NMNAT2: variants seen among roughly 807,000 people sequenced by gnomAD.
The protein encoded by NMNAT2 is nicotinamide nucleotide adenylyltransferase 2.
NMNAT2 carries 11 observed loss-of-function variants against 41.6 expected under a neutral mutation model. The observed-to-expected ratio is 0.26, with a 90% CI of 0.17 to 0.44. The LOEUF (loss-of-function observed/expected upper bound fraction) is 0.44. Ranked by LOEUF, NMNAT2 falls within the 20% of genes least tolerant of loss-of-function variation. NMNAT2 has a pLI of 1.00. For synonymous variants in NMNAT2, 148 were observed against 151.2 expected, an observed-to-expected ratio of 0.98 and a Z score of 0.16; for missense variants, 288 against 407.7, an observed-to-expected ratio of 0.71 and a Z score of 2.53.
intron 2 of NMNAT2, among the ~76,000 whole-genome samples, 183 bp downstream of exon 2, chr1:183,293,522 C>T (rs1661600289): frequency 6.6e-6 from 1 of 152,262 alleles, no homozygotes; most frequent in Admixed American, 6.5e-5. Context: ...CTTCAACGCC[C>T]ATCCACTCAG....
chr1:183,297,451 C>T (rs1661732235), intron 1 of NMNAT2, among the ~76,000 whole-genome samples: 1 of 150,898 alleles, frequency 6.6e-6, no homozygotes, highest in Non-Finnish European at 1.5e-5. Context: ...GGCGTGATCT[C>T]GGCTCAGCGC....
At chr1:183,399,060 T>A (rs968013885) in intron 1 of NMNAT2, among the ~76,000 whole-genome samples, 18 of 151,706 alleles carry the variant, frequency 1.2e-4, no homozygotes, top group African/African-American at 4.1e-4. Flanking sequence ...ATAACTAAGA[T>A]CAGAGCAGAA....
At chr1:183,313,733 G>T (rs1662180056) in intron 1 of NMNAT2, among the ~76,000 whole-genome samples, 1 of 152,234 alleles carries the variant, frequency 6.6e-6, no homozygotes, top group Non-Finnish European at 1.5e-5. Flanking sequence ...TGATCTGCCT[G>T]CCTTGGCCTC....
chr1:183,389,793 A>G (rs868583655), intron 1 of NMNAT2, among the ~76,000 whole-genome samples: 5 of 77,678 alleles, frequency 6.4e-5, no homozygotes, highest in African/African-American at 1.7e-4. Flanking sequence ...AGAAAGAAAG[A>G]AAGAAAGAAA....
chr1:183,327,007 C>G (rs1240106549), intron 1 of NMNAT2, among the ~76,000 whole-genome samples: 2 of 150,848 alleles, frequency 1.3e-5, no homozygotes, highest in African/African-American at 4.9e-5. Context: ...CCTTTCTCAG[C>G]AGTATTCATA....
intron 8 of NMNAT2, among the ~76,000 whole-genome samples, chr1:183,270,608 T>G (rs528898440): frequency 9.9e-5 from 15 of 151,834 alleles, no homozygotes; most frequent in African/African-American, 3.4e-4. Context: ...ACTGCCAACT[T>G]AACTGGGGGT....
intron 1 of NMNAT2, among the ~76,000 whole-genome samples, chr1:183,330,024 A>T (rs1662549575): frequency 1.3e-5 from 2 of 152,200 alleles, no homozygotes; most frequent in African/African-American, 2.4e-5. Context: ...ACGGGGAGAC[A>T]AGGGGAGCCA....
At chr1:183,338,381 T>TG (rs34723195) in intron 1 of NMNAT2, among the ~76,000 whole-genome samples, 107,767 of 151,382 alleles carry the variant, frequency 0.71, 38,478 homozygotes, top group East Asian at 0.9. Flanking sequence ...GGTGTGGGGT[T>TG]GAGGAGAAAT....
At chr1:183,333,077 A>G (rs559195581) in intron 1 of NMNAT2, among the ~76,000 whole-genome samples, 2 of 152,274 alleles carry the variant, frequency 1.3e-5, no homozygotes, top group African/African-American at 4.8e-5. Flanking sequence ...GGAAAACCCC[A>G]TAGAGAAGGA....
intron 8 of NMNAT2, 94 bp from the exon 9 acceptor site, chr1:183,261,397 C>A: frequency 8.9e-7 from 1 of 1,117,452 alleles, no homozygotes; most frequent in Non-Finnish European, 1.3e-6. Flanking sequence ...TTCCATTCTT[C>A]CACATGGAGC....
intron 1 of NMNAT2, among the ~76,000 whole-genome samples, chr1:183,379,019 G>A (rs1250343968): frequency 6.7e-6 from 1 of 149,064 alleles, no homozygotes; most frequent in East Asian, 1.9e-4. Context: ...CTCCAGCCTG[G>A]GTGACAGAGT....
chr1:183,276,771 C>T (rs1349091634), intron 8 of NMNAT2, among the ~76,000 whole-genome samples: 1 of 152,236 alleles, frequency 6.6e-6, no homozygotes, highest in Non-Finnish European at 1.5e-5. Context: ...TTGTACAGAA[C>T]TTTGCCCGCA....
chr1:183,322,627 G>T (rs544050894), intron 1 of NMNAT2, among the ~76,000 whole-genome samples: 1 of 152,252 alleles, frequency 6.6e-6, no homozygotes, highest in South Asian at 2.1e-4. Flanking sequence ...AGCTCTCAGG[G>T]GATCAGTGAT....
chr1:183,283,808 T>C (rs1189715560), intron 7 of NMNAT2, 187 bp downstream of exon 7: 1 of 656,694 alleles, frequency 1.5e-6, no homozygotes, highest in East Asian at 2.9e-5. Context: ...TGGAGTCCAG[T>C]TAAGAGATGT....
intron 1 of NMNAT2, among the ~76,000 whole-genome samples, chr1:183,345,572 C>G (rs1662908834): frequency 6.6e-6 from 1 of 152,140 alleles, no homozygotes; most frequent in Non-Finnish European, 1.5e-5. Context: ...CATGTAATAC[C>G]CTGTGCTATC....
chr1:183,278,728 C>G, intron 7 of NMNAT2, 99 bp from the exon 8 acceptor site: 1 of 843,042 alleles, frequency 1.2e-6, no homozygotes, highest in Non-Finnish European at 2.0e-6. Flanking sequence ...AACTCTCCCA[C>G]CTTTGGGGAT....
chr1:183,397,747 G>A (rs554835494), intron 1 of NMNAT2, among the ~76,000 whole-genome samples: 172 of 152,284 alleles, frequency 1.1e-3, no homozygotes, highest in Non-Finnish European at 2.1e-3. Context: ...GAGAGTGGGG[G>A]CCAATATTCA....
intron 10 of NMNAT2, among the ~76,000 whole-genome samples, chr1:183,253,497 C>A (rs1660444201): frequency 6.6e-6 from 1 of 152,078 alleles, no homozygotes; most frequent in Non-Finnish European, 1.5e-5. Context: ...CTATTATTAG[C>A]TGTCATCCTC....
intron 1 of NMNAT2, among the ~76,000 whole-genome samples, chr1:183,392,417 T>C (rs915116017): frequency 3.3e-5 from 5 of 152,274 alleles, no homozygotes; most frequent in African/African-American, 1.2e-4. Flanking sequence ...TTACACGCAG[T>C]AACTTCCTAA....
Sources: gnomAD v4.1 joint callset for allele counts (sites outside exome capture counted in the v4.1 genomes callset) on GRCh38, gnomAD v4.1.1 for gene constraint, MANE v1.5 for transcripts, NCBI Gene and HGNC (gene_info 2026-07-23, HGNC 2026-07-21) for gene names.